The following HOXA3 variants were observed in gnomAD, a reference collection of about 807,000 sequenced individuals.
HOXA3 encodes homeobox A3, also known as homeobox protein Hox-A3.
In HOXA3, 8 loss-of-function variants were observed where a neutral mutation model predicts 30.3. The ratio of observed to expected loss-of-function variants is 0.26; its 90% CI spans 0.15 to 0.48. The LOEUF is 0.48. HOXA3 is among the 20% of genes least tolerant of loss of function. HOXA3 has a pLI of 0.99. For synonymous variants in HOXA3, 323 were observed against 273.1 expected, an observed-to-expected ratio of 1.18 and a Z score of -1.80; for missense variants, 653 against 614.4, an observed-to-expected ratio of 1.06 and a Z score of -0.66.
chr7:27,108,349 G>T lies in HOXA3; in HGVS notation c.898C>A (p.Pro300Thr), dbSNP rs373966754. Reference sequence around the variant, plus strand: ...GGCAGCCCGTAGGTACCCTGGGGGGGCTTGGAGAAGGGCGGGGGCGACTGG... The same window carrying T: ...GGCAGCCCGTAGGTACCCTGGGGGGTCTTGGAGAAGGGCGGGGGCGACTGG... ...EPQSPPPFSKPPQGTYGLPPA... is the reference protein window; with the variant it reads ...EPQSPPPFSKTPQGTYGLPPA... The change falls in exon 6 of 6, where the codon CCC (proline) becomes ACC (threonine). Residue 300 changes from proline (P) to threonine (T), a missense_variant. Physicochemically the swap from Pro to Thr is conservative, Grantham distance 38. Around this residue, in one of 3 missense-constraint regions of HOXA3, gnomAD observed 330 missense variants for 274.4 expected, o/e 1.20. Coordinates refer to ENST00000612286, the MANE Select transcript of HOXA3 (RefSeq NM_153631.3). The surrounding 1 kb of genome is among the most constrained non-coding windows in gnomAD (Gnocchi z 5.0). The T allele has an allele frequency of 5.9e-6, 9 of 1,516,106 alleles. No homozygotes were observed. Among genetic ancestry groups the T allele is most frequent in the East Asian group, 2.3e-5 (1 of 44,144 alleles). 93.9% of individuals were successfully genotyped at this position (1,516,106 alleles called of 1,614,324 possible).
At chr7:27,120,525 C>T (rs993779617) in intron 4 of HOXA3, among the ~76,000 whole-genome samples, 30 of 129,036 alleles carry the variant, frequency 2.3e-4, no homozygotes, top group African/African-American at 8.0e-4. Flanking sequence ...TGGGACAGAG[C>T]GCGACTCTGT....
chr7:27,147,047 G>T (rs1378776533), intron 1 of HOXA3: 4 of 539,816 alleles, frequency 7.4e-6, no homozygotes, highest in Non-Finnish European at 1.3e-5. Flanking sequence ...CCTGTCACAG[G>T]TCTCATATAC....
intron 1 of HOXA3, chr7:27,142,152 C>T: frequency 1.3e-6 from 2 of 1,555,288 alleles, no homozygotes; most frequent in Non-Finnish European, 1.7e-6. Flanking sequence ...GGGGGACAAG[C>T]TTGGGTCATG....
At chr7:27,135,646 G>A (rs139766972) in intron 2 of HOXA3, among the ~76,000 whole-genome samples, 8 of 152,280 alleles carry the variant, frequency 5.3e-5, no homozygotes, top group African/African-American at 1.9e-4. Context: ...GTCATCATGT[G>A]TACTAAAAAG....
Position 27,152,416 on chromosome 7 carries a change from C to G in HOXA3, c.-622G>C. The G allele has an allele frequency of 8.6e-7, 1 of 1,156,498 alleles. No homozygotes were observed. The allele number at this position is 1,156,498 out of a possible 1,614,324, so 71.6% of individuals were successfully genotyped here. The stretch of plus-strand genomic sequence containing the variant: ...ATTAGCCAGGTTGCGAGTTGCAAAG[C>G]TGCTGCCGCGGCGCCGGGAACGGAG... On this transcript the variant is annotated 5_prime_UTR_variant, in exon 1 of 6. Coordinates refer to ENST00000612286, the MANE Select transcript of HOXA3 (RefSeq NM_153631.3).
At chr7:27,145,820 C>G (rs1051995899) in intron 1 of HOXA3, 2 of 1,614,262 alleles carry the variant, frequency 1.2e-6, no homozygotes, top group African/African-American at 2.7e-5. Context: ...GGCGCCGTGT[C>G]AGGTAGCGGT....
chr7:27,143,248 G>A, intron 1 of HOXA3: 2 of 1,608,634 alleles, frequency 1.2e-6, no homozygotes, highest in East Asian at 4.5e-5. Flanking sequence ...TGCTTAGGGA[G>A]TTTTTCCCGC....
intron 1 of HOXA3, chr7:27,142,208 C>T (rs1782596515): frequency 3.1e-6 from 3 of 959,700 alleles, no homozygotes; most frequent in African/African-American, 3.3e-5. Context: ...GCCTACCAGC[C>T]CGCACACCCC....
intron 2 of HOXA3, among the ~76,000 whole-genome samples, chr7:27,127,311 G>A (rs927041952): frequency 1.3e-5 from 2 of 152,088 alleles, no homozygotes; most frequent in Non-Finnish European, 1.5e-5. Context: ...GATTGCTCCC[G>A]AATTTTCTTG....
intron 1 of HOXA3, among the ~76,000 whole-genome samples, chr7:27,151,941 T>C (rs1337676290): frequency 6.6e-6 from 1 of 151,960 alleles, no homozygotes; most frequent in Non-Finnish European, 1.5e-5. Context: ...CCTTTTGGGC[T>C]TCACGGGGTC....
In HOXA3 at chr7:27,130,219, G is replaced by A. The variant is rs751232255; in HGVS notation, c.-389-3149C>T. ...GGCCAAGAGCAGCGGGCACGCGGGG[G>A]CGCTGCCCCCTGCCGGGACGCCTGG... On this transcript the variant is annotated intron_variant, in intron 2 of 5. Coordinates refer to ENST00000612286, the MANE Select transcript of HOXA3 (RefSeq NM_153631.3). 1.2e-5 allele frequency: 18 copies of A among 1,488,576 alleles called. No homozygotes were observed. Among genetic ancestry groups the A allele is most frequent in the South Asian group, 2.5e-5 (2 of 79,918 alleles). The allele number at this position is 1,488,576 out of a possible 1,614,324, so 92.2% of individuals were successfully genotyped here. A position where few individuals can be genotyped will look rare whatever the true frequency, so the allele number is the denominator to read the frequency against.
At chr7:27,138,825 A>G (rs1785795927) in intron 2 of HOXA3, among the ~76,000 whole-genome samples, 1 of 152,236 alleles carries the variant, frequency 6.6e-6, no homozygotes, top group African/African-American at 2.4e-5. Flanking sequence ...AACTAACAAA[A>G]GAAAGGCGGA....
At chr7:27,141,793 G>T (rs1325345091) in intron 1 of HOXA3, 2 of 1,600,826 alleles carry the variant, frequency 1.2e-6, no homozygotes, top group African/African-American at 2.7e-5. Flanking sequence ...GACACTACGC[G>T]GGATCCGCTA....
In HOXA3 at chr7:27,147,719, G is replaced by A. The variant is rs371909980; in HGVS notation, c.-494+4569C>T. 8 of 1,610,978 alleles carry A rather than the reference G, an allele frequency of 5.0e-6. No individual in the cohort carries two copies. The East Asian group carries it at 1.1e-4, about 22-fold the overall frequency. On this transcript the variant is annotated intron_variant, in intron 1 of 5. Coordinates refer to ENST00000612286, the MANE Select transcript of HOXA3 (RefSeq NM_153631.3). The stretch of plus-strand genomic sequence containing the variant: ...TCCTGGCCGCTGGGAAGGCTCCCGG[G>A]GAAAGTGGGATTCACAAAATAGGAA...
intron 3 of HOXA3, chr7:27,123,175 T>C (rs1410460571): frequency 6.6e-6 from 1 of 152,306 alleles, no homozygotes; most frequent in Non-Finnish European, 1.5e-5. Flanking sequence ...TTCATTCCAC[T>C]GGCCAGAGGC....
intron 1 of HOXA3, chr7:27,150,126 G>A (rs950607309): frequency 1.5e-4 from 2 of 13,194 alleles, no homozygotes; most frequent in African/African-American, 5.2e-4. Flanking sequence ...TGTTAGCCAA[G>A]GCTAGTGCAT....
intron 2 of HOXA3, chr7:27,129,517 C>T (rs1249638829): frequency 1.2e-6 from 2 of 1,614,068 alleles, no homozygotes; most frequent in Non-Finnish European, 8.5e-7. Context: ...GACCTGCTGC[C>T]GGGTGTAGGC....
intron 1 of HOXA3, chr7:27,142,866 A>G: frequency 1.7e-6 from 1 of 576,180 alleles, no homozygotes; most frequent in Non-Finnish European, 3.0e-6. Context: ...TTGTGAGCGC[A>G]GGGTGCTCGC....
chr7:27,143,326 G>T, intron 1 of HOXA3: 1 of 1,596,102 alleles, frequency 6.3e-7, no homozygotes. Flanking sequence ...GCTGAGGAGA[G>T]TGCGTGGACG....
Sources: gnomAD v4.1 joint callset for allele counts (sites outside exome capture counted in the v4.1 genomes callset) on GRCh38, gnomAD v4.1.1 for gene constraint, gnomAD v4.1.1 regional missense constraint, Gnocchi (gnomAD v3.1) non-coding constraint, MANE v1.5 for transcripts, NCBI Gene and HGNC (gene_info 2026-07-23, HGNC 2026-07-21) for gene names.